CRTC1: variants seen among roughly 807,000 people sequenced by gnomAD.
CRTC1 encodes the protein CREB regulated transcription coactivator 1.
A neutral mutation model predicts 66.1 loss-of-function variants in CRTC1; 18 were observed. The ratio of observed to expected loss-of-function variants is 0.27; its 90% CI spans 0.19 to 0.40. The LOEUF (loss-of-function observed/expected upper bound fraction) is 0.40, where lower values mean the gene tolerates loss of function less well. CRTC1 is among the 10% of genes least tolerant of loss of function. The pLI is 1.00. For missense variants in CRTC1, 669 were observed against 887.9 expected (o/e 0.75, Z 3.13); for synonymous variants, 416 against 398.8 (o/e 1.04, Z -0.51).
intron 1 of CRTC1, among the ~76,000 whole-genome samples, chr19:18,730,243 C>T (rs2053855150): frequency 6.6e-6 from 1 of 151,940 alleles, no homozygotes; most frequent in East Asian, 1.9e-4. Flanking sequence ...GTGTGTAGAT[C>T]CCACGAAGCA....
rs2054866223 is a variant in CRTC1 at position 18,771,445 on chromosome 19, C to T, written c.1324C>T (p.Pro442Ser). The change falls in exon 11 of 14, where the codon CCG becomes TCG. Residue 442 changes from proline to serine, a missense_variant. By Grantham distance (74) the Pro-to-Ser change is moderately conservative (BLOSUM62 -1). This residue lies in a region of CRTC1 where 241 missense variants were observed against 242.2 expected (regional missense o/e 0.99). Transcript: ENST00000321949. The surrounding 1 kb of genome is among the most constrained non-coding windows in gnomAD (Gnocchi z 4.6). ...PSMGIDIASAPALQQYRTSAG... is the reference protein window; with the variant it reads ...PSMGIDIASASALQQYRTSAG... ...GCTGATCTGTCTGTCATCGCAGGCG[C>T]CGGCTCTGCAGCAGTACCGCACTAG... 1.2e-6 allele frequency: 2 copies of T among 1,612,178 alleles called. No homozygotes were observed. Among genetic ancestry groups the T allele is most frequent in the Non-Finnish European group, 1.7e-6 (2 of 1,179,188 alleles).
At position 18,782,244 on chromosome 19, in the gene CRTC1, C is replaced by T. The variant is rs2055119127; in HGVS notation, c.*4862C>T. On this transcript the variant is annotated 3_prime_UTR_variant, in exon 14 of 14. Transcript: ENST00000321949. ...GGCGGCTCAGGGCACACTCGGCCGTCCCTGCCCCATCCTCTGGCAGGGCTG... is the reference window on the plus strand; with the variant it reads ...GGCGGCTCAGGGCACACTCGGCCGTTCCTGCCCCATCCTCTGGCAGGGCTG... The T allele has an allele frequency of 4.4e-6, 1 of 228,304 alleles. No individual in the cohort carries two copies. The highest frequency in any genetic ancestry group is 5.3e-5 in the Admixed American group (1 of 18,814). 14.1% of individuals were successfully genotyped at this position (228,304 alleles called of 1,614,324 possible).
At chr19:18,774,855 C>T (rs763125816) in intron 11 of CRTC1, 45 bp from the exon 12 acceptor site, 1 of 1,594,544 alleles carries the variant, frequency 6.3e-7, no homozygotes, top group Non-Finnish European at 8.6e-7. Flanking sequence ...GACTTCCCAC[C>T]TGGCCTCAGG....
At chr19:18,721,782 A>G (rs1197843424) in intron 1 of CRTC1, among the ~76,000 whole-genome samples, 1 of 152,208 alleles carries the variant, frequency 6.6e-6, no homozygotes, top group East Asian at 1.9e-4. Flanking sequence ...GGCGTGAGCC[A>G]TGCACCTGGC....
intron 6 of CRTC1, among the ~76,000 whole-genome samples, chr19:18,759,283 GGCAGGA>G (rs1249527629): frequency 1.3e-5 from 2 of 152,242 alleles, no homozygotes; most frequent in Admixed American, 6.5e-5. Flanking sequence ...GCCCACTGAG[GGCAGGA>G]GCAGGGGGAG....
intron 1 of CRTC1, among the ~76,000 whole-genome samples, chr19:18,705,969 T>C (rs564856220): frequency 2.0e-4 from 28 of 143,198 alleles, no homozygotes; most frequent in Non-Finnish European, 2.5e-4. Context: ...CTCTCTCTCT[T>C]TTTTTTTTTT....
At chr19:18,699,737 G>A (rs2053084164) in intron 1 of CRTC1, among the ~76,000 whole-genome samples, 1 of 152,184 alleles carries the variant, frequency 6.6e-6, no homozygotes, top group Non-Finnish European at 1.5e-5. Context: ...TGGGGGTGAT[G>A]CCTCGTGGGC....
intron 10 of CRTC1, among the ~76,000 whole-genome samples, chr19:18,769,584 C>T (rs1413605978): frequency 6.6e-6 from 1 of 152,230 alleles, no homozygotes; most frequent in Non-Finnish European, 1.5e-5. Flanking sequence ...CCAAGCTGCT[C>T]TGACCTCACG....
At chr19:18,743,090 GC>G in intron 2 of CRTC1, 64 bp downstream of exon 2, 1 of 1,274,146 alleles carries the variant, frequency 7.8e-7, no homozygotes. Context: ...CCCACTGGGG[GC>G]CAGACATTGA....
At chr19:18,747,144 C>T in intron 4 of CRTC1, 30 bp downstream of exon 4, 1 of 1,136,200 alleles carries the variant, frequency 8.8e-7, no homozygotes, top group South Asian at 1.2e-5. Context: ...CCCCCCGCCC[C>T]CTTCTTGTTG....
At chr19:18,727,480 C>T (rs1030230089) in intron 1 of CRTC1, among the ~76,000 whole-genome samples, 1 of 144,010 alleles carries the variant, frequency 6.9e-6, no homozygotes, top group African/African-American at 2.6e-5. Flanking sequence ...ATGTGGGAGG[C>T]TGAGGCAGGA....
chr19:18,781,090 C>T lies in CRTC1; in HGVS notation c.*3708C>T, dbSNP rs2055093529. 3.1e-5 allele frequency: 7 copies of T among 227,856 alleles called. No homozygotes were observed. The highest frequency in any genetic ancestry group is 1.6e-4 in the African/African-American group (7 of 44,950). 14.1% of individuals were successfully genotyped at this position (227,856 alleles called of 1,614,324 possible). A position where few individuals can be genotyped will look rare whatever the true frequency, so the allele number is the denominator to read the frequency against. ...CACCTTCACTGGGTCCCGATGGAGC[C>T]GTCTCAGAGGCCGAGGGGCCCTCTG... On this transcript the variant is annotated 3_prime_UTR_variant, in exon 14 of 14. Coordinates refer to ENST00000321949, the MANE Select transcript of CRTC1 (RefSeq NM_015321.3).
At chr19:18,701,083 C>T (rs923262245) in intron 1 of CRTC1, among the ~76,000 whole-genome samples, 5 of 152,346 alleles carry the variant, frequency 3.3e-5, no homozygotes, top group African/African-American at 1.2e-4. Flanking sequence ...CCTATCTTTG[C>T]GCCCAGGCGG....
chr19:18,767,649 T>C (rs1215831899), intron 9 of CRTC1, among the ~76,000 whole-genome samples: 1 of 152,198 alleles, frequency 6.6e-6, no homozygotes, highest in African/African-American at 2.4e-5. Flanking sequence ...AGGTGTCTTA[T>C]TCAGATCAAG....
intron 1 of CRTC1, among the ~76,000 whole-genome samples, chr19:18,686,054 TCCAC>T (rs2052677271): frequency 1.3e-5 from 2 of 152,108 alleles, no homozygotes; most frequent in African/African-American, 2.4e-5. Context: ...ACATTTTTTA[TCCAC>T]CCAGAAAGAA....
intron 1 of CRTC1, among the ~76,000 whole-genome samples, chr19:18,709,970 G>A (rs1419864551): frequency 6.6e-6 from 1 of 152,114 alleles, no homozygotes; most frequent in Non-Finnish European, 1.5e-5. Context: ...CACCCAGGAT[G>A]GGGTCCCACA....
In CRTC1 at chr19:18,778,269, G is replaced by A. The variant is rs2055039230; in HGVS notation, c.*887G>A. 4.3e-6 allele frequency: 1 copy of A among 233,096 alleles called. No homozygotes were observed. Among genetic ancestry groups the A allele is most frequent in the South Asian group, 1.8e-4 (1 of 5,536 alleles). The allele number at this position is 233,096 out of a possible 1,614,324, so 14.4% of individuals were successfully genotyped here. A position where few individuals can be genotyped will look rare whatever the true frequency, so the allele number is the denominator to read the frequency against. Reference sequence around the variant, plus strand: ...TTAATTTAAGGTACAGGCAGAGGTGGCCAGGGGAGTTTCATTGTGGTTTTT... The same window carrying A: ...TTAATTTAAGGTACAGGCAGAGGTGACCAGGGGAGTTTCATTGTGGTTTTT... On this transcript the variant is annotated 3_prime_UTR_variant, in exon 14 of 14. Coordinates refer to ENST00000321949, the MANE Select transcript of CRTC1 (RefSeq NM_015321.3).
intron 11 of CRTC1, among the ~76,000 whole-genome samples, chr19:18,773,182 G>T (rs1451149862): frequency 6.6e-6 from 1 of 152,072 alleles, no homozygotes; most frequent in Non-Finnish European, 1.5e-5. Flanking sequence ...ATCAGTACGG[G>T]GCTCTCAGGG....
chr19:18,761,964 G>C (rs1215515456), intron 8 of CRTC1, among the ~76,000 whole-genome samples: 2 of 152,158 alleles, frequency 1.3e-5, no homozygotes, highest in Non-Finnish European at 2.9e-5. Flanking sequence ...ACCAGAGAAG[G>C]CCCAGAAAAC....
Sources: allele counts gnomAD v4.1 joint callset (sites outside exome capture counted in the v4.1 genomes callset), GRCh38; gene constraint gnomAD v4.1.1; regional missense constraint gnomAD v4.1.1; non-coding constraint Gnocchi (gnomAD v3.1); transcripts MANE v1.5; gene names NCBI Gene and HGNC (gene_info 2026-07-23, HGNC 2026-07-21).